Variants in RSF1 observed in about 807,000 individuals in gnomAD.
RSF1 encodes the protein HBV pX-associated protein 8.
RSF1 carries 13 observed loss-of-function variants against 145.2 expected under a neutral mutation model. The ratio of observed to expected loss-of-function variants is 0.09; its 90% CI spans 0.06 to 0.14. The LOEUF is 0.14. RSF1 is among the 10% of genes least tolerant of loss of function. The probability of loss-of-function intolerance (pLI) is 1.00; values close to 1 mark genes in which losing one functional copy is unlikely to be tolerated. For synonymous variants in RSF1, 577 were observed against 592.6 expected (o/e 0.97, Z 0.38); for missense variants, 1,517 against 1,718.2 (o/e 0.88, Z 2.07).
intron 15 of RSF1, among the ~76,000 whole-genome samples, chr11:77,668,911 T>G (rs573577015): frequency 9.4e-5 from 1 of 10,624 alleles, no homozygotes; most frequent in East Asian, 3.2e-3. Context: ...ATCTATGTGC[T>G]AACGGCTCTC....
At chr11:77,685,084 C>T (rs1331222018) in intron 10 of RSF1, 21 bp downstream of exon 10, 1 of 1,432,848 alleles carries the variant, frequency 7.0e-7, no homozygotes, top group Non-Finnish European at 9.5e-7. Flanking sequence ...CATTTAAAAA[C>T]ATTACAAATC....
chr11:77,751,468 T>C (rs1330520094), intron 2 of RSF1, among the ~76,000 whole-genome samples: 2 of 152,180 alleles, frequency 1.3e-5, no homozygotes, highest in Admixed American at 6.5e-5. Flanking sequence ...AAATTTAAAA[T>C]TGTAAATCCT....
chr11:77,725,567 T>C lies in RSF1; in HGVS notation c.711A>G (p.Lys237=). The part of the protein sequence containing the change: ...SPSLEDEETK[K]EEETPKQEEQ... ...AACCTTGTTTAGGTGTTTCTTCCTC[T>C]TTTTTAGTCTCCTCATCCTCTAAGC... The change falls in exon 5 of 16, where the codon AAA becomes AAG. Residue 237 remains lysine (K), a synonymous_variant. Coordinates refer to ENST00000308488, the MANE Select transcript of RSF1 (RefSeq NM_016578.4). The C allele has an allele frequency of 6.3e-7, 1 of 1,577,810 alleles. No homozygotes were observed. The highest frequency in any genetic ancestry group is 1.2e-5 in the South Asian group (1 of 85,078).
At chr11:77,733,120 A>G (rs1961248660) in intron 4 of RSF1, among the ~76,000 whole-genome samples, 1 of 152,234 alleles carries the variant, frequency 6.6e-6, no homozygotes, top group South Asian at 2.1e-4. Context: ...ATGGGATAAT[A>G]GTTTGTTAAC....
At chr11:77,674,541 C>T (rs1488352497) in intron 14 of RSF1, among the ~76,000 whole-genome samples, 1 of 152,204 alleles carries the variant, frequency 6.6e-6, no homozygotes, top group African/African-American at 2.4e-5. Flanking sequence ...GGAGTGGAAA[C>T]ATTTGACAAC....
chr11:77,726,715 G>A (rs778090457), intron 4 of RSF1, among the ~76,000 whole-genome samples: 8 of 152,158 alleles, frequency 5.3e-5, no homozygotes, highest in Non-Finnish European at 1.0e-4. Flanking sequence ...AATGTGCGAT[G>A]TAAATACCCC....
At chr11:77,859,374 G>C in the RSF1 span, among the ~76,000 whole-genome samples, 1 of 152,200 alleles carries the variant, frequency 6.6e-6, no homozygotes, top group Non-Finnish European at 1.5e-5. Flanking sequence ...TACCTCTTTA[G>C]GTTTCTGTAC....
chr11:77,740,890 A>G lies in RSF1; in HGVS notation c.419T>C (p.Ile140Thr), dbSNP rs1947927736. Reference protein sequence around the residue: ...QFDDNLKFKNIINEEDADTMR... With the variant: ...QFDDNLKFKNTINEEDADTMR... ...AGTATCGGCATCCTCCTCATTAATA[A>G]TATTCTTGAATTTGAGATTGTCATC... The change falls in exon 4 of 16, where the codon ATT becomes ACT. Residue 140 changes from isoleucine (I) to threonine (T), a missense_variant. By Grantham distance (89) the Ile-to-Thr change is moderately conservative. Coordinates refer to ENST00000308488, the MANE Select transcript of RSF1 (RefSeq NM_016578.4). 1.2e-6 allele frequency: 2 copies of G among 1,614,140 alleles called. No homozygotes were observed. Among genetic ancestry groups the G allele is most frequent in the East Asian group, 4.5e-5 (2 of 44,874 alleles).
At chr11:77,678,825 T>C (rs1269270966) in intron 11 of RSF1, among the ~76,000 whole-genome samples, 1 of 152,146 alleles carries the variant, frequency 6.6e-6, no homozygotes, top group Non-Finnish European at 1.5e-5. Context: ...CCCTAGAAGG[T>C]GCCATCTATG....
At chr11:77,731,813 G>T (rs992399410) in intron 4 of RSF1, among the ~76,000 whole-genome samples, 2 of 152,246 alleles carry the variant, frequency 1.3e-5, no homozygotes, top group Non-Finnish European at 2.9e-5. Context: ...CCTCTGCCTA[G>T]ATTTCAGAAG....
chr11:77,836,042 G>T, the RSF1 span, among the ~76,000 whole-genome samples: 2 of 152,122 alleles, frequency 1.3e-5, no homozygotes, highest in African/African-American at 4.8e-5. Context: ...ATATAACTTG[G>T]AACAAAGTTC....
At chr11:77,781,398 C>T (rs776396478) in intron 1 of RSF1, among the ~76,000 whole-genome samples, 1 of 152,104 alleles carries the variant, frequency 6.6e-6, no homozygotes, top group Non-Finnish European at 1.5e-5. Context: ...TGTGCCTGGC[C>T]TCCGTGTTTT....
chr11:77,725,070 T>C (rs897516838), intron 5 of RSF1, among the ~76,000 whole-genome samples: 2 of 152,276 alleles, frequency 1.3e-5, no homozygotes, highest in Admixed American at 1.3e-4. Flanking sequence ...TGCCAGGGGC[T>C]GAGGGGAAGG....
chr11:77,788,812 T>A lies in RSF1; in HGVS notation c.188-24123A>T, dbSNP rs549827099. Among the ~76,000 whole-genome samples the A allele has an allele frequency of 7.2e-5, 11 of 152,282 alleles. No individual in the cohort carries two copies. The South Asian group carries it at 2.1e-3, about 29-fold the overall frequency. On this transcript the variant is annotated intron_variant, in intron 1 of 15. Coordinates refer to ENST00000308488, the MANE Select transcript of RSF1 (RefSeq NM_016578.4). Reference sequence around the variant, plus strand: ...AGGGAGAGACTTTAAGATTGCTAACTAGAGGCCTCCTCTACTAAGAACAAC... The same window carrying A: ...AGGGAGAGACTTTAAGATTGCTAACAAGAGGCCTCCTCTACTAAGAACAAC...
intron 10 of RSF1, among the ~76,000 whole-genome samples, chr11:77,684,329 C>A (rs1328423856): frequency 2.6e-5 from 4 of 152,102 alleles, no homozygotes; most frequent in African/African-American, 9.7e-5. Flanking sequence ...TCATGATATA[C>A]CCACCTTAGT....
At chr11:77,818,954 G>A (rs1948808018) in intron 1 of RSF1, among the ~76,000 whole-genome samples, 1 of 152,136 alleles carries the variant, frequency 6.6e-6, no homozygotes, top group Non-Finnish European at 1.5e-5. Context: ...AAGCCAGTTT[G>A]TTACAGGTAG....
intron 2 of RSF1, among the ~76,000 whole-genome samples, chr11:77,759,628 G>A (rs1432511055): frequency 6.6e-6 from 1 of 152,192 alleles, no homozygotes; most frequent in Non-Finnish European, 1.5e-5. Context: ...AGGTTGCAGT[G>A]AGCCGAGATT....
At chr11:77,771,712 T>C (rs545855794) in intron 1 of RSF1, among the ~76,000 whole-genome samples, 9 of 152,282 alleles carry the variant, frequency 5.9e-5, no homozygotes, top group African/African-American at 1.7e-4. Context: ...GACGGGCACA[T>C]GAAAGTCCAT....
chr11:77,711,250 TG>T (rs1367629373), intron 5 of RSF1, among the ~76,000 whole-genome samples: 5 of 152,190 alleles, frequency 3.3e-5, no homozygotes, highest in Admixed American at 1.3e-4. Flanking sequence ...CTGAAAATCT[TG>T]GTTTTCAAGG....
Sources: gnomAD v4.1 joint callset for allele counts (sites outside exome capture counted in the v4.1 genomes callset) on GRCh38, gnomAD v4.1.1 for gene constraint, MANE v1.5 for transcripts, NCBI Gene and HGNC (gene_info 2026-07-23, HGNC 2026-07-21) for gene names.